The following TG variants were observed in gnomAD, a reference collection of about 807,000 sequenced individuals.
TG encodes the protein thyroglobulin.
In TG, 270 loss-of-function variants were observed where a neutral mutation model predicts 324.7. That is an observed-to-expected ratio of 0.83 (90% CI 0.75 to 0.92). TG has a LOEUF of 0.92. TG is among the 40% of genes least tolerant of loss of function. The pLI, the probability that TG is intolerant of heterozygous loss-of-function variation, is 0.00. For missense variants in TG, 3,591 were observed against 3,456.4 expected (o/e 1.04, Z -0.98); for synonymous variants, 1,401 against 1,327.0 (o/e 1.06, Z -1.21).
In TG at chr8:133,133,631, A is replaced by C. The variant is rs1588156748; in HGVS notation, c.8159A>C (p.Lys2720Thr). The change falls in exon 47 of 48, where the codon AAG becomes ACG. Residue 2720 changes from lysine (K) to threonine (T), a missense_variant. Physicochemically the swap from Lys to Thr is moderately conservative, Grantham distance 78. Transcript: ENST00000220616. ...AAAGCCGACTGCTCCTTCTGGTCCA[A>C]GTACATCTCGTCTCTGAAGACATCT... ...LKKADCSFWS[K>T]YISSLKTSAD... The C allele has an allele frequency of 5.6e-6, 9 of 1,614,176 alleles. No homozygotes were observed. The East Asian group carries it at 2.0e-4, about 36-fold the overall frequency.
intron 41 of TG, among the ~76,000 whole-genome samples, chr8:133,041,123 T>A (rs182668361): frequency 7.8e-4 from 119 of 152,304 alleles, no homozygotes; most frequent in Middle Eastern, 3.4e-3. Context: ...AAAACCCCAG[T>A]GCTTCTCCTG....
At chr8:132,957,885 T>A (rs975015235) in intron 27 of TG, among the ~76,000 whole-genome samples, 1 of 152,138 alleles carries the variant, frequency 6.6e-6, no homozygotes, top group Non-Finnish European at 1.5e-5. Flanking sequence ...GGTGCACCCA[T>A]CATCTGAACA....
chr8:132,887,617 C>T, intron 9 of TG, 69 bp downstream of exon 9: 1 of 1,600,790 alleles, frequency 6.2e-7, no homozygotes, highest in Non-Finnish European at 8.6e-7. Flanking sequence ...CAATGCAGTA[C>T]AGTAATAGAA....
At position 133,098,328 on chromosome 8, in the gene TG, C is replaced by A. The variant is rs116099051; in HGVS notation, c.7572+1955C>A. Reference sequence around the variant, plus strand: ...ACTAATACCCTGAATTATTATAAACCCTTTATTGAATCAAAAGAATGTTAA... The same window carrying A: ...ACTAATACCCTGAATTATTATAAACACTTTATTGAATCAAAAGAATGTTAA... On this transcript the variant is annotated intron_variant, in intron 43 of 47. Transcript: ENST00000220616. 8.5e-3 allele frequency among the ~76,000 whole-genome samples: 1,299 copies of A among 152,186 alleles called. 18 individuals are homozygous for A. Among genetic ancestry groups the A allele is most frequent in the African/African-American group, 0.03 (1,233 of 41,512 alleles).
intron 41 of TG, among the ~76,000 whole-genome samples, chr8:133,041,912 C>T (rs1439726348): frequency 4.0e-5 from 6 of 151,698 alleles, no homozygotes; most frequent in South Asian, 4.2e-4. Flanking sequence ...CTCAGACTCC[C>T]GAGTAGCTGG....
intron 35 of TG, 106 bp from the exon 36 acceptor site, chr8:133,011,795 G>A (rs1048773732): frequency 1.0e-4 from 141 of 1,403,876 alleles, no homozygotes; most frequent in Non-Finnish European, 1.4e-4. Flanking sequence ...AGACCAAGAG[G>A]AGGATGCCCC....
At chr8:132,904,330 C>T (rs746624410) in intron 16 of TG, among the ~76,000 whole-genome samples, 8 of 152,210 alleles carry the variant, frequency 5.3e-5, no homozygotes, top group South Asian at 2.1e-4. Flanking sequence ...TGTCCCCAGG[C>T]GAGCCACTTA....
At chr8:133,101,376 T>C (rs776618460) in intron 43 of TG, among the ~76,000 whole-genome samples, 1 of 152,144 alleles carries the variant, frequency 6.6e-6, no homozygotes, top group Non-Finnish European at 1.5e-5. Flanking sequence ...GAATTTAGAG[T>C]TGGGCTTGTG....
At position 133,055,359 on chromosome 8, in the gene TG, A is replaced by ATG. The variant is rs770219741; in HGVS notation, c.7239+25336_7239+25337insTG. On this transcript the variant is annotated intron_variant, in intron 41 of 47. Transcript: ENST00000220616. The stretch of plus-strand genomic sequence containing the variant: ...TGTCATCTTCAGGACACACACACGC[A>ATG]CGCGCGCACACACACACACACACAC... Among the ~76,000 whole-genome samples, 4 of 86,790 alleles carry ATG rather than the reference A, an allele frequency of 4.6e-5. No homozygotes were observed. In the East Asian group the frequency reaches 1.1e-3, roughly 24 times the overall value. The allele number at this position is 86,790 out of a possible 152,430, so 56.9% of individuals were successfully genotyped here. A position where few individuals can be genotyped will look rare whatever the true frequency, so the allele number is the denominator to read the frequency against.
chr8:133,072,499 C>G (rs1844218433), intron 41 of TG, among the ~76,000 whole-genome samples: 1 of 152,188 alleles, frequency 6.6e-6, no homozygotes, highest in Admixed American at 6.5e-5. Flanking sequence ...AATGTATGAA[C>G]AGGACCCTTG....
intron 22 of TG, 21 bp from the exon 23 acceptor site, chr8:132,929,055 C>T (rs1822304824): frequency 3.8e-6 from 6 of 1,599,942 alleles, no homozygotes; most frequent in African/African-American, 1.3e-5. Flanking sequence ...GTCAGATTTA[C>T]TAAATCTGCT....
At position 132,995,521 on chromosome 8, in the gene TG, G is replaced by C. The variant is rs1271593256; in HGVS notation, c.6262+12109G>C. The C allele has an allele frequency of 4.1e-6, 4 of 985,268 alleles. No individual in the cohort carries two copies. The African/African-American group carries it at 7.0e-5, about 17-fold the overall frequency. 61.0% of individuals were successfully genotyped at this position (985,268 alleles called of 1,614,324 possible). A position where few individuals can be genotyped will look rare whatever the true frequency, so the allele number is the denominator to read the frequency against. On this transcript the variant is annotated intron_variant, in intron 35 of 47. Transcript: ENST00000220616. ...TGCTGGACTCACTTTGCTTAGATCA[G>C]ATTGGTTGTTCACATGCATTTGTGC... is the stretch of plus-strand genomic sequence containing the variant.
rs559707026 is a variant in TG, at chr8:132,933,564, G to T, written c.4820G>T (p.Cys1607Phe). The change falls in exon 24 of 48, where the codon TGC (cysteine) becomes TTC (phenylalanine). Residue 1607 changes from cysteine (C) to phenylalanine (F), a missense_variant. By Grantham distance (205) the Cys-to-Phe change is radical. Transcript: ENST00000220616. ...EFPVMQCLTD[C>F]TEDEACSFFT... ...GACCGTCCCATGGTGCTTGCAGATT[G>T]CACAGAGGACGAGGCCTGCAGCTTC... is the stretch of plus-strand genomic sequence containing the variant. The T allele has an allele frequency of 5.6e-6, 9 of 1,613,934 alleles. No homozygotes were observed. In the East Asian group the frequency reaches 2.0e-4, roughly 36 times the overall value.
At chr8:133,061,956 A>G (rs139799441) in intron 41 of TG, among the ~76,000 whole-genome samples, 102 of 152,350 alleles carry the variant, frequency 6.7e-4, no homozygotes, top group African/African-American at 2.4e-3. Flanking sequence ...AAGTCCGTAT[A>G]TCTTAGACAT....
chr8:133,093,079 C>T (rs188763247), intron 41 of TG, among the ~76,000 whole-genome samples: 18 of 151,866 alleles, frequency 1.2e-4, no homozygotes, highest in Admixed American at 7.2e-4. Context: ...ATTCAGAACA[C>T]GGAGTTTTGA....
chr8:133,057,774 C>CAAA (rs5895173), intron 41 of TG, among the ~76,000 whole-genome samples: 189 of 142,030 alleles, frequency 1.3e-3, no homozygotes, highest in African/African-American at 2.4e-3. Context: ...AAACAAAAAA[C>CAAA]AAAAAAAAAA....
chr8:132,898,105 TG>T, intron 12 of TG, 63 bp from the exon 13 acceptor site: 1 of 1,465,156 alleles, frequency 6.8e-7, no homozygotes, highest in South Asian at 1.2e-5. Context: ...AAGTTGTTTA[TG>T]GGACACTCCA....
rs75751467 is a variant in TG at position 132,905,042 on chromosome 8, A to T, written c.3635-1646A>T. On this transcript the variant is annotated intron_variant, in intron 16 of 47. Coordinates refer to ENST00000220616, the MANE Select transcript of TG (RefSeq NM_003235.5). Reference sequence around the variant, plus strand: ...ATAGGGATAATGGGACCTATCCCATAGGGTTGTGGGGAACATTATATGAAC... The same window carrying T: ...ATAGGGATAATGGGACCTATCCCATTGGGTTGTGGGGAACATTATATGAAC... Among the ~76,000 whole-genome samples, 785 of 152,274 alleles carry T rather than the reference A, an allele frequency of 5.2e-3. 11 individuals are homozygous for T. Among genetic ancestry groups the T allele is most frequent in the African/African-American group, 0.018 (752 of 41,538 alleles).
chr8:133,065,617 C>G (rs1183555504), intron 41 of TG, among the ~76,000 whole-genome samples: 1 of 151,920 alleles, frequency 6.6e-6, no homozygotes, highest in Non-Finnish European at 1.5e-5. Context: ...CAAAAATTAG[C>G]CGGACATGTT....
Sources: gnomAD v4.1 joint callset for allele counts (sites outside exome capture counted in the v4.1 genomes callset) on GRCh38, gnomAD v4.1.1 for gene constraint, MANE v1.5 for transcripts, NCBI Gene and HGNC (gene_info 2026-07-23, HGNC 2026-07-21) for gene names.